The following SRCIN1 variants were observed in gnomAD, a reference collection of about 807,000 sequenced individuals.
SRCIN1 encodes SRC kinase signaling inhibitor 1.
In SRCIN1, 50 loss-of-function variants were observed where a neutral mutation model predicts 116.2. The ratio of observed to expected loss-of-function variants is 0.43; its 90% CI spans 0.34 to 0.54. SRCIN1 has a LOEUF of 0.54. Among genes scored for constraint, SRCIN1 ranks in the 20% least tolerant of loss-of-function variants. The pLI is 0.02. For synonymous variants in SRCIN1, 736 were observed against 750.0 expected, an observed-to-expected ratio of 0.98 and a Z score of 0.30; for missense variants, 1,446 against 1,672.0, an observed-to-expected ratio of 0.86 and a Z score of 2.36.
rs1179697784 is a variant in SRCIN1 at position 38,561,670 on chromosome 17, G to A, written c.1493C>T (p.Pro498Leu). The change falls in exon 7 of 19, where the codon CCG becomes CTG. Residue 498 changes from proline (P) to leucine (L), a missense_variant. This residue lies in a region of SRCIN1 where 398 missense variants were observed against 385.6 expected (regional missense o/e 1.03). Coordinates refer to ENST00000617146, the MANE Select transcript of SRCIN1 (RefSeq NM_025248.3). ...PPPPHSPYSG[P>L]PSRGSPVRQS... ...GCGCACTGGCGAGCCGCGGCTGGGCGGCCCCGAGTAGGGGCTGTGCGGTGG... is the reference window on the plus strand; with the variant it reads ...GCGCACTGGCGAGCCGCGGCTGGGCAGCCCCGAGTAGGGGCTGTGCGGTGG... 1.3e-6 allele frequency: 2 copies of A among 1,557,954 alleles called. No homozygotes were observed. The highest frequency in any genetic ancestry group is 8.7e-7 in the Non-Finnish European group (1 of 1,153,796).
chr17:38,560,367 C>T lies in SRCIN1; in HGVS notation c.1759G>A (p.Ala587Thr), dbSNP rs760418549. Residue 587 changes from alanine (A) to threonine (T), a missense_variant, in exon 8 of 19, where the codon GCC (alanine) becomes ACC (threonine). Physicochemically the swap from Ala to Thr is moderately conservative, Grantham distance 58. This residue lies in a region of SRCIN1 where 398 missense variants were observed against 385.6 expected (regional missense o/e 1.03). Transcript: ENST00000617146. ...IASLTGLVQS[A>T]LLRGSEPETP... ...TCAGGCTCAGAGCCTCGCAGTAAGG[C>T]GCTCTGCACCAGGCCTGTGAGGCTG... 9 of 1,611,578 alleles carry T rather than the reference C, an allele frequency of 5.6e-6. No individual in the cohort carries two copies. The highest frequency in any genetic ancestry group is 2.2e-5 in the East Asian group (1 of 44,844).
chr17:38,576,068 C>T (rs1187935254), intron 2 of SRCIN1, among the ~76,000 whole-genome samples: 1 of 152,154 alleles, frequency 6.6e-6, no homozygotes, highest in Admixed American at 6.5e-5. Context: ...GAGTTCCAAA[C>T]TCTGTGCTGG....
chr17:38,548,146 G>A (rs1010265776), intron 17 of SRCIN1, among the ~76,000 whole-genome samples: 16 of 152,084 alleles, frequency 1.1e-4, no homozygotes, highest in African/African-American at 3.1e-4. Flanking sequence ...TGGGAGAGTC[G>A]AGGCATGGGG....
At chr17:38,594,201 G>T (rs1398309615) in intron 1 of SRCIN1, among the ~76,000 whole-genome samples, 6 of 152,232 alleles carry the variant, frequency 3.9e-5, no homozygotes, top group Admixed American at 3.9e-4. Flanking sequence ...GAGGGAAAGG[G>T]CTCCAATCTC....
intron 2 of SRCIN1, among the ~76,000 whole-genome samples, chr17:38,570,243 G>A (rs762428641): frequency 7.9e-5 from 12 of 151,984 alleles, no homozygotes; most frequent in Admixed American, 2.0e-4. Flanking sequence ...CACATAGACC[G>A]CCCCCACTCA....
rs746852494 is a variant in SRCIN1 at position 38,562,646 on chromosome 17, T to G, written c.834+181A>C. On this transcript the variant is annotated intron_variant, in intron 6 of 18. Coordinates refer to ENST00000617146, the MANE Select transcript of SRCIN1 (RefSeq NM_025248.3). This position sits in a 1 kb window ranked among gnomAD's most constrained non-coding sequence, Gnocchi z 4.2. ...GGAGGCAAGTTAGCAAAATCCCGAG[T>G]GGACAGGCCCGGAATGGAGGGGAAA... Among the ~76,000 whole-genome samples the G allele has an allele frequency of 3.9e-5, 6 of 152,058 alleles. No homozygotes were observed.
Position 38,562,869 on chromosome 17 carries a change from G to A in SRCIN1, c.792C>T (p.Tyr264=). 6.2e-7 allele frequency: 1 copy of A among 1,613,846 alleles called. No homozygotes were observed. Among genetic ancestry groups the A allele is most frequent in the Non-Finnish European group, 8.5e-7 (1 of 1,179,824 alleles). ...IIKIYRKEPL[Y]AAFPGSHLTN... ...TGAGATGTGAGCCAGGGAAGGCAGCGTAGAGGGGCTCCTTTCTGTAGATCT... is the reference window on the plus strand; with the variant it reads ...TGAGATGTGAGCCAGGGAAGGCAGCATAGAGGGGCTCCTTTCTGTAGATCT... Residue 264 remains tyrosine, a synonymous_variant, in exon 6 of 19, where the codon TAC becomes TAT. Transcript: ENST00000617146. This position sits in a 1 kb window ranked among gnomAD's most constrained non-coding sequence, Gnocchi z 4.2.
intron 2 of SRCIN1, among the ~76,000 whole-genome samples, chr17:38,576,263 ATTACT>A (rs1907410383): frequency 6.6e-6 from 1 of 152,032 alleles, no homozygotes; most frequent in Non-Finnish European, 1.5e-5. Flanking sequence ...GAAATTGGCC[ATTACT>A]TTACCACACC....
chr17:38,565,451 C>T (rs925068171), intron 3 of SRCIN1, among the ~76,000 whole-genome samples: 2 of 152,096 alleles, frequency 1.3e-5, no homozygotes, highest in Admixed American at 1.3e-4. Flanking sequence ...CAACAAATCA[C>T]TCAAAACCAT....
At chr17:38,533,705 G>C (rs984254154) in intron 18 of SRCIN1, among the ~76,000 whole-genome samples, 2 of 133,182 alleles carry the variant, frequency 1.5e-5, no homozygotes, top group Non-Finnish European at 3.2e-5. Flanking sequence ...GAAGCAGAGC[G>C]ACCAGAGAAG....
At chr17:38,601,784 C>G (rs1909047576) in intron 1 of SRCIN1, among the ~76,000 whole-genome samples, 1 of 152,150 alleles carries the variant, frequency 6.6e-6, no homozygotes, top group Non-Finnish European at 1.5e-5. Flanking sequence ...CACTTCCCCG[C>G]CCCCAGCTTG....
rs186920294 is a variant in SRCIN1, at chr17:38,540,070, G to A, written c.3417+3753C>T. On this transcript the variant is annotated intron_variant, in intron 18 of 18. Transcript: ENST00000617146. ...TATCTTCATTTCAGCCATCTGAGAAGATAAGCAGTTGTTCAGCAAATTTCT... is the reference window on the plus strand; with the variant it reads ...TATCTTCATTTCAGCCATCTGAGAAAATAAGCAGTTGTTCAGCAAATTTCT... Among the ~76,000 whole-genome samples the A allele has an allele frequency of 1.9e-3, 274 of 144,680 alleles. 3 individuals carry two copies. Among genetic ancestry groups the A allele is most frequent in the African/African-American group, 6.8e-3 (264 of 38,860 alleles). The allele number at this position is 144,680 out of a possible 152,430, so 94.9% of individuals were successfully genotyped here.
Position 38,555,710 on chromosome 17 carries a change from A to T in SRCIN1, c.2201+2517T>A, listed in dbSNP as rs529596238. Among the ~76,000 whole-genome samples, 7 of 152,206 alleles carry T rather than the reference A, an allele frequency of 4.6e-5. No individual in the cohort carries two copies. The South Asian group carries it at 8.3e-4, about 18-fold the overall frequency. On this transcript the variant is annotated intron_variant, in intron 11 of 18. Coordinates refer to ENST00000617146, the MANE Select transcript of SRCIN1 (RefSeq NM_025248.3). ...TCAGCCATTGGTTCTGCTGCATCTC[A>T]TTTTCACACTAGACCAACATCAGCC...
intron 1 of SRCIN1, among the ~76,000 whole-genome samples, chr17:38,603,199 AG>A (rs1267646202): frequency 6.6e-6 from 1 of 150,380 alleles, no homozygotes; most frequent in African/African-American, 2.5e-5. Flanking sequence ...CAGGGAAGGG[AG>A]GGGGGAGAGG....
rs575926736 is a variant in SRCIN1, at chr17:38,558,549, A to G, written c.2026-147T>C. ...GCTGCTTGGCTCCGCCTCAGGCAGCAGCGAAGGGGTGGGATGGCGAAGGGC... is the reference window on the plus strand; with the variant it reads ...GCTGCTTGGCTCCGCCTCAGGCAGCGGCGAAGGGGTGGGATGGCGAAGGGC... On this transcript the variant is annotated intron_variant, in intron 10 of 18. Coordinates refer to ENST00000617146, the MANE Select transcript of SRCIN1 (RefSeq NM_025248.3). This position sits in a 1 kb window ranked among gnomAD's most constrained non-coding sequence, Gnocchi z 4.6. The G allele has an allele frequency of 4.5e-3, 3,538 of 787,478 alleles. 21 individuals carry two copies. The highest frequency in any genetic ancestry group is 5.0e-3 in the Non-Finnish European group (2,646 of 526,970). The allele number at this position is 787,478 out of a possible 1,614,324, so 48.8% of individuals were successfully genotyped here. A position where few individuals can be genotyped will look rare whatever the true frequency, so the allele number is the denominator to read the frequency against.
At chr17:38,533,771 C>T (rs1280128699) in intron 18 of SRCIN1, among the ~76,000 whole-genome samples, 5 of 42,796 alleles carry the variant, frequency 1.2e-4, no homozygotes, top group African/African-American at 2.1e-4. Context: ...TGGGGGAGGG[C>T]AGGGGAGGGG....
rs1187133648 is a variant in SRCIN1, at chr17:38,532,245, C to T, written c.*1052G>A. ...AGGATGACTGAAGTTCAAGTCACCC[C>T]ACCTGCGGGTCCCAGGTGTCTTCAG... On this transcript the variant is annotated 3_prime_UTR_variant, in exon 19 of 19. Coordinates refer to ENST00000617146, the MANE Select transcript of SRCIN1 (RefSeq NM_025248.3). This position sits in a 1 kb window ranked among gnomAD's most constrained non-coding sequence, Gnocchi z 4.3. 1 of 152,524 alleles carries T rather than the reference C, an allele frequency of 6.6e-6. No individual in the cohort carries two copies. Among genetic ancestry groups the T allele is most frequent in the Non-Finnish European group, 1.5e-5 (1 of 68,064 alleles). The allele number at this position is 152,524 out of a possible 1,614,324, so 9.4% of individuals were successfully genotyped here. A position where few individuals can be genotyped will look rare whatever the true frequency, so the allele number is the denominator to read the frequency against.
chr17:38,596,152 G>A (rs1435722882), intron 1 of SRCIN1, among the ~76,000 whole-genome samples: 2 of 152,358 alleles, frequency 1.3e-5, no homozygotes, highest in East Asian at 1.9e-4. Flanking sequence ...CAGGAAAGGA[G>A]GAAAGTCGTG....
chr17:38,604,505 C>G lies in SRCIN1; in HGVS notation c.22+1179G>C. The G allele has an allele frequency of 2.2e-6, 1 of 454,918 alleles. No individual in the cohort carries two copies. The highest frequency in any genetic ancestry group is 4.4e-6 in the Non-Finnish European group (1 of 226,222). The allele number at this position is 454,918 out of a possible 1,614,324, so 28.2% of individuals were successfully genotyped here. A position where few individuals can be genotyped will look rare whatever the true frequency, so the allele number is the denominator to read the frequency against. On this transcript the variant is annotated intron_variant, in intron 1 of 18. Transcript: ENST00000617146. The surrounding 1 kb of genome is among the most constrained non-coding windows in gnomAD (Gnocchi z 4.3). ...TGGCTCCCCTCGGCCCCCAGGGTCC[C>G]TCGGTCCAGCCTCCTCCCTGGGAGA...
Sources: gnomAD v4.1 joint callset for allele counts (sites outside exome capture counted in the v4.1 genomes callset) on GRCh38, gnomAD v4.1.1 for gene constraint, gnomAD v4.1.1 regional missense constraint, Gnocchi (gnomAD v3.1) non-coding constraint, MANE v1.5 for transcripts, NCBI Gene and HGNC (gene_info 2026-07-23, HGNC 2026-07-21) for gene names.